Variants in ACOT11 observed in about 807,000 individuals in gnomAD.
ACOT11 encodes acyl-CoA thioesterase 11.
In ACOT11, 69 loss-of-function variants were observed where a neutral mutation model predicts 77.5. The ratio of observed to expected loss-of-function variants is 0.89; its 90% confidence interval spans 0.73 to 1.09. The LOEUF is 1.09. ACOT11 is among the 50% of genes least tolerant of loss of function. ACOT11 has a pLI of 0.00. For synonymous variants in ACOT11, 279 were observed against 313.0 expected, an observed-to-expected ratio of 0.89 and a Z score of 1.15; for missense variants, 766 against 813.7, an observed-to-expected ratio of 0.94 and a Z score of 0.71.
At chr1:54,580,635 A>T (rs1003711542) in intron 1 of ACOT11, among the ~76,000 whole-genome samples, 1 of 152,086 alleles carries the variant, frequency 6.6e-6, no homozygotes, top group African/African-American at 2.4e-5. Flanking sequence ...TCAGACCATT[A>T]GTCTTTTCCT....
At chr1:54,610,452 G>C, downstream of ACOT11, 2 of 1,613,512 alleles carry the variant, frequency 1.2e-6, no homozygotes, top group South Asian at 2.2e-5. Context: ...TGCCCTGGAC[G>C]TCAGGAACCA....
At chr1:54,562,545 A>G (rs1419753065) in intron 1 of ACOT11, among the ~76,000 whole-genome samples, 2 of 55,070 alleles carry the variant, frequency 3.6e-5, no homozygotes, top group African/African-American at 2.1e-4. Flanking sequence ...CGGGGGGCTG[A>G]CCCACCCCCC....
In ACOT11 at chr1:54,597,251, C is replaced by A; in HGVS notation, c.608-8C>A. ...CCTGCTTCCCTCCCTTATCCCATCC[C>A]TGGTCAGATCTGGAGAGCAGAGACT... On this transcript the variant is annotated splice_polypyrimidine_tract_variant and splice_region_variant and intron_variant, in intron 6 of 15. Coordinates refer to ENST00000343744, the MANE Select transcript of ACOT11 (RefSeq NM_147161.4). 1 of 1,610,666 alleles carries A rather than the reference C, an allele frequency of 6.2e-7. No individual in the cohort carries two copies. The highest frequency in any genetic ancestry group is 2.2e-5 in the East Asian group (1 of 44,872).
At chr1:54,637,820 G>A (rs569581160) in exon 17 of ACOT11, 1 of 152,002 alleles carries the variant, frequency 6.6e-6, no homozygotes, top group Non-Finnish European at 1.5e-5. Context: ...ACTCATCAGA[G>A]TTGCACAGGG....
At chr1:54,623,201 A>T in intron 15 of ACOT11, 1 of 915,286 alleles carries the variant, frequency 1.1e-6, no homozygotes, top group Non-Finnish European at 1.8e-6. Context: ...GACTGGTCAG[A>T]GCTGTAAGTG....
Position 54,602,821 on chromosome 1 carries a change from G to T in ACOT11, c.1085+97G>T, listed in dbSNP as rs997274829. The T allele has an allele frequency of 1.1e-5, 14 of 1,311,584 alleles. No homozygotes were observed. The African/African-American group carries it at 1.8e-4, about 17-fold the overall frequency. 81.2% of individuals were successfully genotyped at this position (1,311,584 alleles called of 1,614,324 possible). ...CGCTTTTCTTCAGAGCTGCCTGTGC[G>T]TTGGGCCCTGGGCCGGGCCCTTTAC... On this transcript the variant is annotated intron_variant, in intron 10 of 15. Coordinates refer to ENST00000343744, the MANE Select transcript of ACOT11 (RefSeq NM_147161.4).
chr1:54,602,476 CAG>C (rs909213145), intron 9 of ACOT11, among the ~76,000 whole-genome samples, 191 bp from the exon 10 acceptor site: 2 of 152,254 alleles, frequency 1.3e-5, no homozygotes, highest in African/African-American at 4.8e-5. Context: ...CCAGGTCACT[CAG>C]AGAGTTTGAG....
At chr1:54,604,298 C>G in intron 11 of ACOT11, 48 bp from the exon 12 acceptor site, 1 of 1,578,578 alleles carries the variant, frequency 6.3e-7, no homozygotes, top group Non-Finnish European at 8.7e-7. Flanking sequence ...GCTCAGGGGC[C>G]CTGAAGGAAG....
chr1:54,602,613 AG>A, intron 9 of ACOT11, 55 bp from the exon 10 acceptor site: 1 of 1,407,440 alleles, frequency 7.1e-7, no homozygotes, highest in Non-Finnish European at 9.3e-7. Context: ...GGGGATGGAG[AG>A]GGGGCAGGAC....
chr1:54,623,273 C>A, intron 15 of ACOT11: 1 of 1,610,712 alleles, frequency 6.2e-7, no homozygotes, highest in African/African-American at 1.3e-5. Context: ...GGGGGAGGCA[C>A]CTACCTGGCC....
chr1:54,588,557 T>C (rs1654587156), intron 3 of ACOT11, among the ~76,000 whole-genome samples: 1 of 152,116 alleles, frequency 6.6e-6, no homozygotes, highest in Non-Finnish European at 1.5e-5. Flanking sequence ...CTGTATTTCC[T>C]GTATGTCTGG....
At chr1:54,575,732 CTGCAGAAGTGAGG>C (rs1372449208) in intron 1 of ACOT11, among the ~76,000 whole-genome samples, 1 of 152,228 alleles carries the variant, frequency 6.6e-6, no homozygotes, top group Admixed American at 6.5e-5. Flanking sequence ...ATGGAGAGCA[CTGCAGAAGTGAGG>C]TACACGGGTG....
At chr1:54,587,358 C>CA (rs1282970245) in intron 3 of ACOT11, among the ~76,000 whole-genome samples, 1 of 151,280 alleles carries the variant, frequency 6.6e-6, no homozygotes, top group Non-Finnish European at 1.5e-5. Flanking sequence ...ACTGAAAATA[C>CA]AAAAAATTAG....
chr1:54,624,826 A>T (rs1644262117), intron 15 of ACOT11, among the ~76,000 whole-genome samples: 1 of 152,038 alleles, frequency 6.6e-6, no homozygotes, highest in Admixed American at 6.5e-5. Flanking sequence ...AAGGTACAGG[A>T]GGGAGAGGCA....
At chr1:54,614,716 C>T (rs762312924), downstream of ACOT11, 1 of 1,613,612 alleles carries the variant, frequency 6.2e-7, no homozygotes, top group Non-Finnish European at 8.5e-7. Context: ...GCATTGACCT[C>T]AGTTGAGATG....
At chr1:54,550,554 C>T (rs1653025676) in intron 1 of ACOT11, among the ~76,000 whole-genome samples, 1 of 152,202 alleles carries the variant, frequency 6.6e-6, no homozygotes, top group Non-Finnish European at 1.5e-5. Flanking sequence ...TGGCTCACAC[C>T]TGTCATCCTA....
At chr1:54,594,415 A>C in intron 5 of ACOT11, 141 bp from the exon 6 acceptor site, 1 of 1,146,942 alleles carries the variant, frequency 8.7e-7, no homozygotes, top group Non-Finnish European at 1.2e-6. Context: ...TGGGGCAAAG[A>C]GGGAGGAAGC....
chr1:54,604,181 C>A (rs1643997625), intron 11 of ACOT11, among the ~76,000 whole-genome samples, 165 bp from the exon 12 acceptor site: 1 of 152,102 alleles, frequency 6.6e-6, no homozygotes, highest in Non-Finnish European at 1.5e-5. Flanking sequence ...AAGCCTGGAC[C>A]TCCCTTCTCA....
At chr1:54,585,968 C>T (rs1654484436) in intron 3 of ACOT11, 64 bp downstream of exon 3, 4 of 1,541,080 alleles carry the variant, frequency 2.6e-6, no homozygotes, top group Admixed American at 1.7e-5. Flanking sequence ...GGCCTGTCCT[C>T]CTGACTCCCT....
Sources: allele counts gnomAD v4.1 joint callset (sites outside exome capture counted in the v4.1 genomes callset), GRCh38; gene constraint gnomAD v4.1.1; transcripts MANE v1.5; gene names NCBI Gene and HGNC (gene_info 2026-07-23, HGNC 2026-07-21).